ZXDC: variants seen among roughly 807,000 people sequenced by gnomAD.
ZXDC encodes the protein zinc finger protein ZXDC.
A neutral mutation model predicts 63.6 loss-of-function variants in ZXDC; 58 were observed. That is an observed-to-expected ratio of 0.91 (90% CI 0.74 to 1.13). ZXDC has a LOEUF of 1.13. ZXDC is among the 50% of genes most tolerant of loss of function. ZXDC has a pLI of 0.00. For synonymous variants in ZXDC, 561 were observed against 496.1 expected (o/e 1.13, Z -1.74); for missense variants, 1,133 against 1,148.9 (o/e 0.99, Z 0.20).
chr3:126,453,013 C>T (rs1934166888), intron 7 of ZXDC: 1 of 985,314 alleles, frequency 1.0e-6, no homozygotes, highest in Middle Eastern at 5.2e-4. Context: ...GCTGGGATTA[C>T]AGCTCTCTTT....
rs775023865 is a variant in ZXDC at position 126,475,666 on chromosome 3, T to TCGGCGGG, written c.193_199dup (p.Glu67AlafsTer190). ...GAAAGAGTCGCCGTCGCTGTCGTCCTCGGCGGGCGGCGGGCTTGGCCCGGA... is the reference window on the plus strand; with the variant it reads ...GAAAGAGTCGCCGTCGCTGTCGTCCTCGGCGGGCGGCGGGCGGCGGGCTTGGCCCGGA... On this transcript the variant is annotated frameshift_variant, in exon 1 of 10. Coordinates refer to ENST00000389709, the MANE Select transcript of ZXDC (RefSeq NM_025112.5). LOFTEE classifies it high-confidence loss of function. 3.5e-6 allele frequency: 5 copies of TCGGCGGG among 1,427,058 alleles called. No homozygotes were observed. The highest frequency in any genetic ancestry group is 1.4e-5 in the South Asian group (1 of 73,928). The allele number at this position is 1,427,058 out of a possible 1,614,324, so 88.4% of individuals were successfully genotyped here.
intron 6 of ZXDC, chr3:126,460,278 A>G (rs1448708072): frequency 3.6e-5 from 19 of 524,004 alleles, no homozygotes; most frequent in Non-Finnish European, 4.2e-5. Context: ...CTCAGAGGAC[A>G]TCAGCTGTTG....
intron 7 of ZXDC, among the ~76,000 whole-genome samples, chr3:126,444,490 C>G (rs921049433): frequency 6.6e-6 from 1 of 151,876 alleles, no homozygotes; most frequent in Non-Finnish European, 1.5e-5. Flanking sequence ...CGAGATCATG[C>G]CACTGCACTC....
chr3:126,458,505 T>C, intron 7 of ZXDC: 3 of 843,372 alleles, frequency 3.6e-6, no homozygotes, highest in Non-Finnish European at 4.3e-6. Flanking sequence ...CCCAAAGTGC[T>C]GGGATTACAG....
chr3:126,441,495 G>C, intron 8 of ZXDC: 1 of 1,227,880 alleles, frequency 8.1e-7, no homozygotes, highest in Non-Finnish European at 1.0e-6. Context: ...GGGGCTAGAC[G>C]CAGGGCTGTG....
At position 126,475,436 on chromosome 3, in the gene ZXDC, C is replaced by G. The variant is rs940517565; in HGVS notation, c.430G>C (p.Val144Leu). 8.4e-7 allele frequency: 1 copy of G among 1,187,416 alleles called. No individual in the cohort carries two copies. The highest frequency in any genetic ancestry group is 1.6e-5 in the African/African-American group (1 of 61,994). 73.6% of individuals were successfully genotyped at this position (1,187,416 alleles called of 1,614,324 possible). A position where few individuals can be genotyped will look rare whatever the true frequency, so the allele number is the denominator to read the frequency against. The change falls in exon 1 of 10, where the codon GTC becomes CTC. Residue 144 changes from valine to leucine, a missense_variant. By Grantham distance (32) the Val-to-Leu change is conservative. Coordinates refer to ENST00000389709, the MANE Select transcript of ZXDC (RefSeq NM_025112.5). ...CCGGGCGGCGCAGACAGCGCGAGGA[C>G]GCCGCGGTCGAGACGCACCAGCAGG... ...QDLLVRLDRG[V>L]LALSAPPGPA...
intron 8 of ZXDC, 118 bp downstream of exon 8, chr3:126,441,647 G>A: frequency 1.4e-6 from 2 of 1,423,176 alleles, no homozygotes; most frequent in Non-Finnish European, 9.1e-7. Flanking sequence ...ATGCACGAGG[G>A]GCAGGCAGGC....
intron 7 of ZXDC, among the ~76,000 whole-genome samples, chr3:126,444,009 C>T (rs1385833371): frequency 6.6e-6 from 1 of 152,152 alleles, no homozygotes; most frequent in Non-Finnish European, 1.5e-5. Flanking sequence ...TAGACATGGT[C>T]AGCATCTATT....
At chr3:126,454,097 T>G (rs2107639650) in intron 7 of ZXDC, 1 of 930,052 alleles carries the variant, frequency 1.1e-6, no homozygotes, top group African/African-American at 1.8e-5. Flanking sequence ...TTGTATAGTT[T>G]TCCTGATGCC....
At chr3:126,441,371 C>T in intron 8 of ZXDC, 5 of 1,034,104 alleles carry the variant, frequency 4.8e-6, no homozygotes, top group Non-Finnish European at 5.8e-6. Flanking sequence ...GCTGAGACGG[C>T]CTGCGGAGCC....
intron 8 of ZXDC, chr3:126,440,023 C>G: frequency 4.0e-6 from 5 of 1,255,354 alleles, no homozygotes; most frequent in Non-Finnish European, 5.0e-6. Flanking sequence ...TCCTAAGGCA[C>G]GCTCCTCAAC....
chr3:126,475,753 C>G lies in ZXDC; in HGVS notation c.113G>C (p.Arg38Pro). The part of the protein sequence containing the change: ...PAPLGASPAR[R>P]RLLLVRGPED... ...AGGGCCCCGCACCAGTAGCAGGCGG[C>G]GGCGCGCGGGGCTCGCGCCGAGCGG... Residue 38 changes from arginine to proline, a missense_variant, in exon 1 of 10, where the codon CGC becomes CCC. Arg to Pro is a moderately radical substitution (Grantham distance 103). Transcript: ENST00000389709. 2.6e-6 allele frequency: 3 copies of G among 1,160,380 alleles called. No individual in the cohort carries two copies. The highest frequency in any genetic ancestry group is 1.6e-5 in the African/African-American group (1 of 61,212). The allele number at this position is 1,160,380 out of a possible 1,614,324, so 71.9% of individuals were successfully genotyped here.
chr3:126,445,604 G>T (rs1450283768), intron 7 of ZXDC, among the ~76,000 whole-genome samples: 1 of 151,638 alleles, frequency 6.6e-6, no homozygotes, highest in Non-Finnish European at 1.5e-5. Flanking sequence ...CAAGCAGAAG[G>T]ACAGCTGTGG....
intron 5 of ZXDC, among the ~76,000 whole-genome samples, chr3:126,462,887 G>GC (rs1190764354): frequency 6.6e-6 from 1 of 151,990 alleles, no homozygotes; most frequent in Non-Finnish European, 1.5e-5. Flanking sequence ...CATGCTGGGG[G>GC]CCCCCTAGAC....
At chr3:126,451,647 G>A in intron 7 of ZXDC, 1 of 985,388 alleles carries the variant, frequency 1.0e-6, no homozygotes, top group South Asian at 4.7e-5. Flanking sequence ...AGCCGACCTG[G>A]CCCTCAGTCA....
rs753620634 is a variant in ZXDC, at chr3:126,462,136, ATGTTAG to A, written c.1520_1525del (p.Thr507_Asn508del). On this transcript the variant is annotated inframe_deletion, in exon 6 of 10. Coordinates refer to ENST00000389709, the MANE Select transcript of ZXDC (RefSeq NM_025112.5). The stretch of plus-strand genomic sequence containing the variant: ...GTCAGAGAAGAGTGCAGCAAGATCC[ATGTTAG>A]TGAGCTCACTTTGGCCTGGGCTGCT... 2 of 1,613,594 alleles carry A rather than the reference ATGTTAG, an allele frequency of 1.2e-6. No homozygotes were observed. The highest frequency in any genetic ancestry group is 1.7e-6 in the Non-Finnish European group (2 of 1,180,024).
chr3:126,469,881 T>C (rs564996905), intron 4 of ZXDC, among the ~76,000 whole-genome samples: 5 of 152,222 alleles, frequency 3.3e-5, no homozygotes, highest in Non-Finnish European at 5.9e-5. Flanking sequence ...ATATGTTCAT[T>C]ATGTTCTAAG....
chr3:126,473,262 C>G (rs557052697), intron 1 of ZXDC, among the ~76,000 whole-genome samples: 5 of 152,288 alleles, frequency 3.3e-5, no homozygotes, highest in Non-Finnish European at 7.4e-5. Flanking sequence ...GAACCCCCCA[C>G]ACCCCCATAG....
rs543619328 is a variant in ZXDC at position 126,467,402 on chromosome 3, A to G, written c.1271-1077T>C. Among the ~76,000 whole-genome samples, 18 of 152,272 alleles carry G rather than the reference A, an allele frequency of 1.2e-4. No individual in the cohort carries two copies. The East Asian group carries it at 3.3e-3, about 28-fold the overall frequency. Reference sequence around the variant, plus strand: ...ACCTCACAGGGGTGCTGAGGGCCCAATAAAGCCATACCTGCCTACAGAGCC... The same window carrying G: ...ACCTCACAGGGGTGCTGAGGGCCCAGTAAAGCCATACCTGCCTACAGAGCC... On this transcript the variant is annotated intron_variant, in intron 4 of 9. Coordinates refer to ENST00000389709, the MANE Select transcript of ZXDC (RefSeq NM_025112.5).
Sources: gnomAD v4.1 joint callset for allele counts (sites outside exome capture counted in the v4.1 genomes callset) on GRCh38, gnomAD v4.1.1 for gene constraint, MANE v1.5 for transcripts, NCBI Gene and HGNC (gene_info 2026-07-23, HGNC 2026-07-21) for gene names.